Variants in RABGEF1 observed in about 807,000 individuals in gnomAD.
RABGEF1 encodes the protein rab5 GDP/GTP exchange factor.
In RABGEF1, 26 loss-of-function variants were observed where a neutral mutation model predicts 57.3. The ratio of observed to expected loss-of-function variants is 0.45; its 90% CI spans 0.33 to 0.63. The LOEUF is 0.63. Among genes scored for constraint, RABGEF1 ranks in the 20% least tolerant of loss-of-function variants. The pLI is 0.02. For missense variants in RABGEF1, 464 were observed against 607.6 expected, an observed-to-expected ratio of 0.76 and a Z score of 2.48; for synonymous variants, 185 against 210.7, an observed-to-expected ratio of 0.88 and a Z score of 1.06.
chr7:66,801,675 ATCC>A (rs1330772869), intron 7 of RABGEF1, among the ~76,000 whole-genome samples: 1 of 152,110 alleles, frequency 6.6e-6, no homozygotes, highest in Non-Finnish European at 1.5e-5. Flanking sequence ...TTAACATAAT[ATCC>A]TCCTGTTTCA....
At chr7:66,709,683 G>A (rs1354126310) in intron 1 of RABGEF1, among the ~76,000 whole-genome samples, 4 of 152,164 alleles carry the variant, frequency 2.6e-5, no homozygotes, top group Non-Finnish European at 5.9e-5. Flanking sequence ...CCTGAGGCAG[G>A]AGAATCGCTT....
At chr7:66,783,985 G>C (rs901400960) in intron 4 of RABGEF1, 144 bp downstream of exon 4, 2 of 807,892 alleles carry the variant, frequency 2.5e-6, no homozygotes, top group African/African-American at 3.6e-5. Context: ...AAAAGCCTCT[G>C]AATCAAGCTA....
intron 1 of RABGEF1, among the ~76,000 whole-genome samples, chr7:66,683,933 G>T (rs997544518): frequency 2.6e-5 from 4 of 152,094 alleles, no homozygotes; most frequent in African/African-American, 9.7e-5. Context: ...TAAAGATGTT[G>T]TCTTGCTGCG....
At chr7:66,739,836 C>T (rs1798542191), upstream of RABGEF1, 1 of 152,120 alleles carries the variant, frequency 6.6e-6, no homozygotes, top group East Asian at 1.9e-4. Flanking sequence ...GCATTCAGGA[C>T]GCAGAGGAAT....
chr7:66,767,000 C>CTTT (rs34123866), intron 1 of RABGEF1, among the ~76,000 whole-genome samples: 14 of 102,604 alleles, frequency 1.4e-4, no homozygotes, highest in East Asian at 3.1e-4. Flanking sequence ...TGTCAAGTTT[C>CTTT]TTTTTTTTTT....
chr7:66,784,557 T>C (rs1810699545), intron 4 of RABGEF1, among the ~76,000 whole-genome samples: 1 of 152,230 alleles, frequency 6.6e-6, no homozygotes, highest in African/African-American at 2.4e-5. Context: ...CAGAATTAGC[T>C]CTGAAAGTTC....
intron 2 of RABGEF1, among the ~76,000 whole-genome samples, chr7:66,725,667 A>G (rs1202217486): frequency 6.6e-6 from 1 of 152,198 alleles, no homozygotes; most frequent in African/African-American, 2.4e-5. Flanking sequence ...TGGATGAGGA[A>G]AGTGCAGCTC....
At chr7:66,778,201 A>G (rs1808993914) in intron 3 of RABGEF1, among the ~76,000 whole-genome samples, 2 of 152,224 alleles carry the variant, frequency 1.3e-5, no homozygotes, top group Admixed American at 1.3e-4. Context: ...TCCTTAGTCC[A>G]TGATACCCTT....
upstream of RABGEF1, among the ~76,000 whole-genome samples, chr7:66,738,719 G>T (rs1798339577): frequency 7.7e-6 from 1 of 130,668 alleles, no homozygotes; most frequent in Admixed American, 8.7e-5. Context: ...GCAACAGAGT[G>T]AGACTCTAAC....
chr7:66,735,899 A>G (rs1797891617), upstream of RABGEF1, among the ~76,000 whole-genome samples: 1 of 152,216 alleles, frequency 6.6e-6, no homozygotes, highest in Admixed American at 6.5e-5. Flanking sequence ...AGAGGCCTGT[A>G]GTATCTCCCT....
chr7:66,768,207 A>G (rs1806222623), intron 1 of RABGEF1, among the ~76,000 whole-genome samples: 1 of 152,198 alleles, frequency 6.6e-6, no homozygotes, highest in African/African-American at 2.4e-5. Context: ...ACAGTTAACA[A>G]ATTGTCTTCT....
chr7:66,757,461 C>T (rs1044554746), intron 1 of RABGEF1, among the ~76,000 whole-genome samples: 4 of 152,114 alleles, frequency 2.6e-5, no homozygotes, highest in African/African-American at 7.2e-5. Context: ...CACTAAGCTC[C>T]GCAATGACTG....
chr7:66,712,648 C>T (rs914714553), intron 2 of RABGEF1, among the ~76,000 whole-genome samples: 4 of 151,556 alleles, frequency 2.6e-5, no homozygotes, highest in African/African-American at 4.8e-5. Flanking sequence ...TTTTTTGTAT[C>T]GTTGGTAGAG....
rs1491388054 is a variant in RABGEF1, at chr7:66,702,346, T to TG, written c.-872-9821_-872-9820insG. 2.8e-4 allele frequency among the ~76,000 whole-genome samples: 36 copies of TG among 129,632 alleles called. No homozygotes were observed. The East Asian group carries it at 5.4e-3, about 19-fold the overall frequency. The allele number at this position is 129,632 out of a possible 152,430, so 85.0% of individuals were successfully genotyped here. A position where few individuals can be genotyped will look rare whatever the true frequency, so the allele number is the denominator to read the frequency against. On this transcript the variant is annotated intron_variant and NMD_transcript_variant, in intron 1 of 9. Coordinates refer to the RABGEF1 transcript ENST00000607882. The stretch of plus-strand genomic sequence containing the variant: ...CTTCCACCTTCTGGCTATTGTTTTG[T>TG]TTGTGTGTGTGTGTGTGTGTGTGTG...
chr7:66,675,053 T>A, the RABGEF1 span, among the ~76,000 whole-genome samples: 1 of 152,178 alleles, frequency 6.6e-6, no homozygotes, highest in African/African-American at 2.4e-5. Context: ...TGCCTACTGA[T>A]AACAACTAAT....
intron 7 of RABGEF1, among the ~76,000 whole-genome samples, chr7:66,800,013 C>G (rs1302701491): frequency 6.6e-6 from 1 of 152,128 alleles, no homozygotes; most frequent in African/African-American, 2.4e-5. Flanking sequence ...AAGAGTGCAA[C>G]ACAAACGTTT....
At chr7:66,804,892 A>G (rs1438421113) in intron 7 of RABGEF1, among the ~76,000 whole-genome samples, 2 of 152,154 alleles carry the variant, frequency 1.3e-5, no homozygotes, top group Non-Finnish European at 1.5e-5. Context: ...TATTAATAAG[A>G]GTATCCATTG....
At chr7:66,670,147 C>T in the RABGEF1 span, among the ~76,000 whole-genome samples, 2 of 152,190 alleles carry the variant, frequency 1.3e-5, no homozygotes, top group East Asian at 3.9e-4. Flanking sequence ...CTCTGAGGTT[C>T]ACCATGACCT....
chr7:66,689,185 C>T (rs1328866966), intron 1 of RABGEF1, among the ~76,000 whole-genome samples: 2 of 151,736 alleles, frequency 1.3e-5, no homozygotes, highest in Admixed American at 6.6e-5. Flanking sequence ...GAGCTAAACC[C>T]AAGCTAGCAG....
Sources: allele counts gnomAD v4.1 joint callset (sites outside exome capture counted in the v4.1 genomes callset), GRCh38; gene constraint gnomAD v4.1.1; transcripts MANE v1.5; gene names NCBI Gene and HGNC (gene_info 2026-07-23, HGNC 2026-07-21).